The following EDC4 variants were observed in gnomAD, a reference collection of about 807,000 sequenced individuals.
EDC4 encodes the protein enhancer of mRNA-decapping protein 4.
A neutral mutation model predicts 155.8 loss-of-function variants in EDC4; 64 were observed. The ratio of observed to expected loss-of-function variants is 0.41; its 90% CI spans 0.34 to 0.51. The LOEUF (loss-of-function observed/expected upper bound fraction) is 0.51. Among genes scored for constraint, EDC4 ranks in the 20% least tolerant of loss-of-function variants. The pLI is 0.19. For synonymous variants in EDC4, 684 were observed against 716.8 expected, an observed-to-expected ratio of 0.95 and a Z score of 0.73; for missense variants, 1,303 against 1,812.5, an observed-to-expected ratio of 0.72 and a Z score of 5.10.
chr16:67,877,794 G>A lies in EDC4; in HGVS notation c.843G>A (p.Val281=). 1 of 1,614,200 alleles carries A rather than the reference G, an allele frequency of 6.2e-7. No homozygotes were observed. Among genetic ancestry groups the A allele is most frequent in the Admixed American group, 1.7e-5 (1 of 60,030 alleles). Residue 281 remains valine, a synonymous_variant, in exon 7 of 29, where the codon GTG becomes GTA. Coordinates refer to ENST00000358933, the MANE Select transcript of EDC4 (RefSeq NM_014329.5). The surrounding 1 kb of genome is among the most constrained non-coding windows in gnomAD (Gnocchi z 4.9). ...MLRSSHSTWP[V]DVSQIKQGFI... is the part of the protein sequence containing the mutation. Reference sequence around the variant, plus strand: ...GCTCCAGCCACAGTACCTGGCCTGTGGATGTTAGCCAGATCAAGCAGGGCT... The same window carrying A: ...GCTCCAGCCACAGTACCTGGCCTGTAGATGTTAGCCAGATCAAGCAGGGCT...
At position 67,876,035 on chromosome 16, in the gene EDC4, G is replaced by A. The variant is rs2058040004; in HGVS notation, c.173G>A (p.Ser58Asn). The A allele has an allele frequency of 1.2e-6, 2 of 1,614,204 alleles. No homozygotes were observed. The highest frequency in any genetic ancestry group is 1.7e-6 in the Non-Finnish European group (2 of 1,180,038). The change falls in exon 2 of 29, where the codon AGT becomes AAT. Residue 58 changes from serine to asparagine, a missense_variant. Physicochemically the swap from Ser to Asn is conservative, Grantham distance 46 (BLOSUM62 1). Transcript: ENST00000358933. This position sits in a 1 kb window ranked among gnomAD's most constrained non-coding sequence, Gnocchi z 5.8. ...CCAGACCCGCTCTGCTCAGGTGATA[G>A]TACCTCAGCAAACAAGACTGGTCTT... Reference protein sequence around the residue: ...LVPDPLCSGDSTSANKTGLRT... With the variant: ...LVPDPLCSGDNTSANKTGLRT...
rs1367023857 is a variant in EDC4 at position 67,876,128 on chromosome 16, G to T, written c.239+27G>T. ...TGAGTACCTAGGAGACGACAATAGT[G>T]GTGATGGTGTATTTGGGGTGTCTGC... is the stretch of plus-strand genomic sequence containing the variant. On this transcript the variant is annotated intron_variant, in intron 2 of 28. Transcript: ENST00000358933. The surrounding 1 kb of genome is among the most constrained non-coding windows in gnomAD (Gnocchi z 5.8). The T allele has an allele frequency of 6.2e-7, 1 of 1,608,562 alleles. No homozygotes were observed. Among genetic ancestry groups the T allele is most frequent in the African/African-American group, 1.3e-5 (1 of 74,830 alleles).
rs766174475 is a variant in EDC4, at chr16:67,877,157, T to G, written c.452-60T>G. 1 of 1,559,512 alleles carries G rather than the reference T, an allele frequency of 6.4e-7. No individual in the cohort carries two copies. Among genetic ancestry groups the G allele is most frequent in the Non-Finnish European group, 8.7e-7 (1 of 1,151,006 alleles). ...GGCAGGGAGACAGGTGGGGCAGCGCTTCTCTGCTACTGCCTGAGCCTGGAT... is the reference window on the plus strand; with the variant it reads ...GGCAGGGAGACAGGTGGGGCAGCGCGTCTCTGCTACTGCCTGAGCCTGGAT... On this transcript the variant is annotated intron_variant, in intron 4 of 28. Transcript: ENST00000358933. The surrounding 1 kb of genome is among the most constrained non-coding windows in gnomAD (Gnocchi z 4.9).
In EDC4 at chr16:67,882,891, G is replaced by T. The variant is rs2058075120; in HGVS notation, c.3629+26G>T. 10 of 1,614,122 alleles carry T rather than the reference G, an allele frequency of 6.2e-6. No individual in the cohort carries two copies. The highest frequency in any genetic ancestry group is 1.6e-4 in the Middle Eastern group (1 of 6,062). ...GTGTGTGGGCAGAGTACTGGGCAAG[G>T]TGGTGGGCTTGAGAAAGGCCAGACT... On this transcript the variant is annotated intron_variant, in intron 26 of 28. Transcript: ENST00000358933. The surrounding 1 kb of genome is among the most constrained non-coding windows in gnomAD (Gnocchi z 7.2).
chr16:67,882,338 G>GC lies in EDC4; in HGVS notation c.3276+14dup. 1 of 1,613,822 alleles carries GC rather than the reference G, an allele frequency of 6.2e-7. No individual in the cohort carries two copies. The highest frequency in any genetic ancestry group is 1.3e-5 in the African/African-American group (1 of 75,060). ...CTGCTCAAGTCCAAGGTGCTATAGGGCCCAAGATGTGGGTGGAGGTGGTGG... is the reference window on the plus strand; with the variant it reads ...CTGCTCAAGTCCAAGGTGCTATAGGGCCCCAAGATGTGGGTGGAGGTGGTGG... On this transcript the variant is annotated intron_variant, in intron 24 of 28. Coordinates refer to ENST00000358933, the MANE Select transcript of EDC4 (RefSeq NM_014329.5). This position sits in a 1 kb window ranked among gnomAD's most constrained non-coding sequence, Gnocchi z 7.2.
Position 67,873,077 on chromosome 16 carries a change from T to A in EDC4, c.-185T>A, listed in dbSNP as rs1016724658. Reference sequence around the variant, plus strand: ...AGCCTCGGCTCGTGGGTGCCGGAAGTGGAGGCGGTTGGTGGGGTTGGCGGG... The same window carrying A: ...AGCCTCGGCTCGTGGGTGCCGGAAGAGGAGGCGGTTGGTGGGGTTGGCGGG... On this transcript the variant is annotated 5_prime_UTR_variant, in exon 1 of 29. Coordinates refer to ENST00000358933, the MANE Select transcript of EDC4 (RefSeq NM_014329.5). The A allele has an allele frequency of 5.1e-5, 22 of 433,666 alleles. No homozygotes were observed. The Admixed American group carries it at 7.1e-4, about 14-fold the overall frequency. 26.9% of individuals were successfully genotyped at this position (433,666 alleles called of 1,614,324 possible).
In EDC4 at chr16:67,877,920, C is replaced by G; in HGVS notation, c.894+75C>G. On this transcript the variant is annotated intron_variant, in intron 7 of 28. Transcript: ENST00000358933. The surrounding 1 kb of genome is among the most constrained non-coding windows in gnomAD (Gnocchi z 4.9). ...CATCTTCTGTTCCCTATATCCACAG[C>G]TGCCCGGGCAGCTTTACTAGCATTC... 6.3e-7 allele frequency: 1 copy of G among 1,580,950 alleles called. No individual in the cohort carries two copies. The highest frequency in any genetic ancestry group is 8.6e-7 in the Non-Finnish European group (1 of 1,161,666).
In EDC4 at chr16:67,879,317, A is replaced by C; in HGVS notation, c.1541+8A>C. On this transcript the variant is annotated splice_region_variant and intron_variant, in intron 13 of 28. Coordinates refer to ENST00000358933, the MANE Select transcript of EDC4 (RefSeq NM_014329.5). The surrounding 1 kb of genome is among the most constrained non-coding windows in gnomAD (Gnocchi z 6.0). ...CTTTTGTGTGCATACTAAGTGAGTG[A>C]GTGGGGAGGCCCGCCAGTGTCCTGT... 1 of 1,614,120 alleles carries C rather than the reference A, an allele frequency of 6.2e-7. No homozygotes were observed. The highest frequency in any genetic ancestry group is 8.5e-7 in the Non-Finnish European group (1 of 1,179,998).
In EDC4 at chr16:67,883,869, G is replaced by A; in HGVS notation, c.4014-87G>A. 1 of 1,537,146 alleles carries A rather than the reference G, an allele frequency of 6.5e-7. No individual in the cohort carries two copies. Among genetic ancestry groups the A allele is most frequent in the Non-Finnish European group, 8.8e-7 (1 of 1,137,888 alleles). ...CCAGTCCTTTCTGCCTTCACCCAGA[G>A]GGTTCCCTCTGGGCCTCGGTGCCAC... On this transcript the variant is annotated intron_variant, in intron 28 of 28. Transcript: ENST00000358933. This position sits in a 1 kb window ranked among gnomAD's most constrained non-coding sequence, Gnocchi z 5.3.
Position 67,883,527 on chromosome 16 carries a change from C to G in EDC4, c.3850-41C>G, listed in dbSNP as rs771299391. ...AGTTCAGACAAGCAGACATTCCATC[C>G]TGATATTTGCTATAAACACTGCTGC... is the stretch of plus-strand genomic sequence containing the variant. On this transcript the variant is annotated intron_variant, in intron 27 of 28. Transcript: ENST00000358933. The surrounding 1 kb of genome is among the most constrained non-coding windows in gnomAD (Gnocchi z 5.3). 6.2e-7 allele frequency: 1 copy of G among 1,605,456 alleles called. No individual in the cohort carries two copies. The highest frequency in any genetic ancestry group is 1.1e-5 in the South Asian group (1 of 90,944).
chr16:67,874,923 T>C (rs575337235), intron 1 of EDC4, among the ~76,000 whole-genome samples: 1 of 152,150 alleles, frequency 6.6e-6, no homozygotes, highest in Non-Finnish European at 1.5e-5. Flanking sequence ...GGTGAAACCT[T>C]ATCTCTACTA....
rs1294707229 is a variant in EDC4 at position 67,878,415 on chromosome 16, T to G, written c.1060T>G (p.Cys354Gly). The part of the protein sequence containing the change: ...DGRPLSCLLF[C>G]DNHKKQDPDV... ...GCGGCCCCTCTCCTGCCTCCTGTTC[T>G]GTGACAACCATAAGAAACAAGACCC... Residue 354 changes from cysteine to glycine, a missense_variant, in exon 9 of 29, where the codon TGT becomes GGT. This residue lies in a region of EDC4 where 235 missense variants were observed against 367.7 expected (regional missense o/e 0.64). Coordinates refer to ENST00000358933, the MANE Select transcript of EDC4 (RefSeq NM_014329.5). This position sits in a 1 kb window ranked among gnomAD's most constrained non-coding sequence, Gnocchi z 5.2. 6.2e-7 allele frequency: 1 copy of G among 1,614,222 alleles called. No homozygotes were observed. The highest frequency in any genetic ancestry group is 1.7e-5 in the Admixed American group (1 of 60,032).
Position 67,883,192 on chromosome 16 carries a change from AG to A in EDC4, c.3849+17del. The A allele has an allele frequency of 6.4e-6, 10 of 1,550,390 alleles. No homozygotes were observed. Among genetic ancestry groups the A allele is most frequent in the Non-Finnish European group, 8.7e-6 (10 of 1,148,502 alleles). ...CCTTCCAGCAGGTACGATAGGCATT[AG>A]GCCCTGCTAAGGGTCACGTGTCTCT... On this transcript the variant is annotated intron_variant, in intron 27 of 28. Transcript: ENST00000358933. The surrounding 1 kb of genome is among the most constrained non-coding windows in gnomAD (Gnocchi z 5.3).
chr16:67,873,971 C>T (rs1164605173), intron 1 of EDC4, among the ~76,000 whole-genome samples: 3 of 152,196 alleles, frequency 2.0e-5, no homozygotes, highest in South Asian at 4.1e-4. Flanking sequence ...AATGATACCT[C>T]AGAACTAGTC....
rs1444177868 is a variant in EDC4 at position 67,878,071 on chromosome 16, A to G, written c.895-95A>G. 4 of 1,562,396 alleles carry G rather than the reference A, an allele frequency of 2.6e-6. No homozygotes were observed. In the Admixed American group the frequency reaches 7.5e-5, roughly 29 times the overall value. ...ATTTAGTCAGTCACACAAGCATGCC[A>G]GTCCCACCGTGAGTCAGCCCAGCTC... is the stretch of plus-strand genomic sequence containing the variant. On this transcript the variant is annotated intron_variant, in intron 7 of 28. Coordinates refer to ENST00000358933, the MANE Select transcript of EDC4 (RefSeq NM_014329.5). The surrounding 1 kb of genome is among the most constrained non-coding windows in gnomAD (Gnocchi z 5.2).
In EDC4 at chr16:67,881,021, A is replaced by C. The variant is rs759996347; in HGVS notation, c.2531+31A>C. 9.9e-6 allele frequency: 16 copies of C among 1,613,816 alleles called. No individual in the cohort carries two copies. The highest frequency in any genetic ancestry group is 2.2e-5 in the East Asian group (1 of 44,880). ...GAGCTTGGGAGGGGAAAAGTGTGCT[A>C]GCAGGAGGGGCTTCAGATAGATTCA... On this transcript the variant is annotated intron_variant, in intron 18 of 28. Transcript: ENST00000358933. The surrounding 1 kb of genome is among the most constrained non-coding windows in gnomAD (Gnocchi z 5.4).
Position 67,880,233 on chromosome 16 carries a change from G to A in EDC4, c.2097+17G>A, listed in dbSNP as rs1205403923. ...CCGGGCCAGGTGTGTGACTGGGTGT[G>A]TGTGTGAAGTGTGGGGAGCAGGTGG... On this transcript the variant is annotated intron_variant, in intron 17 of 28. Coordinates refer to ENST00000358933, the MANE Select transcript of EDC4 (RefSeq NM_014329.5). The surrounding 1 kb of genome is among the most constrained non-coding windows in gnomAD (Gnocchi z 5.2). 6 of 1,581,386 alleles carry A rather than the reference G, an allele frequency of 3.8e-6. No homozygotes were observed. In the African/African-American group the frequency reaches 4.0e-5, roughly 11 times the overall value.
chr16:67,883,511 A>G lies in EDC4; in HGVS notation c.3850-57A>G. 6.3e-7 allele frequency: 1 copy of G among 1,598,114 alleles called. No homozygotes were observed. Among genetic ancestry groups the G allele is most frequent in the Non-Finnish European group, 8.5e-7 (1 of 1,175,010 alleles). ...CTCCCCCAGGCCACACAGTTCAGAC[A>G]AGCAGACATTCCATCCTGATATTTG... On this transcript the variant is annotated intron_variant, in intron 27 of 28. Coordinates refer to ENST00000358933, the MANE Select transcript of EDC4 (RefSeq NM_014329.5). The surrounding 1 kb of genome is among the most constrained non-coding windows in gnomAD (Gnocchi z 5.3).
rs952689083 is a variant in EDC4, at chr16:67,879,205, C to G, written c.1469-32C>G. The G allele has an allele frequency of 2.5e-6, 4 of 1,614,200 alleles. No homozygotes were observed. Among genetic ancestry groups the G allele is most frequent in the Middle Eastern group, 1.6e-4 (1 of 6,062 alleles). On this transcript the variant is annotated intron_variant, in intron 12 of 28. Coordinates refer to ENST00000358933, the MANE Select transcript of EDC4 (RefSeq NM_014329.5). This position sits in a 1 kb window ranked among gnomAD's most constrained non-coding sequence, Gnocchi z 6.0. Reference sequence around the variant, plus strand: ...GGGGTTGTGGAGGCACAGAGAGGGCCAGGGGCTTCATCATCCACACTGTCC... The same window carrying G: ...GGGGTTGTGGAGGCACAGAGAGGGCGAGGGGCTTCATCATCCACACTGTCC...
Sources: allele counts gnomAD v4.1 joint callset (sites outside exome capture counted in the v4.1 genomes callset), GRCh38; gene constraint gnomAD v4.1.1; regional missense constraint gnomAD v4.1.1; non-coding constraint Gnocchi (gnomAD v3.1); transcripts MANE v1.5; gene names NCBI Gene and HGNC (gene_info 2026-07-23, HGNC 2026-07-21).